PDE11A: variants seen among roughly 807,000 people sequenced by gnomAD.
The protein encoded by PDE11A is dual 3',5'-cyclic-AMP and -GMP phosphodiesterase 11A.
In PDE11A, 100 loss-of-function variants were observed where a neutral mutation model predicts 100.5. The ratio of observed to expected loss-of-function variants is 1.00; its 90% CI spans 0.85 to 1.18. The LOEUF (loss-of-function observed/expected upper bound fraction) is 1.18, where lower values mean the gene tolerates loss of function less well. PDE11A is among the 50% of genes most tolerant of loss of function. The probability of loss-of-function intolerance (pLI) is 0.00; values close to 1 mark genes in which losing one functional copy is unlikely to be tolerated. For missense variants in PDE11A, 1,141 were observed against 1,152.6 expected, an observed-to-expected ratio of 0.99 and a Z score of 0.15; for synonymous variants, 381 against 420.8, an observed-to-expected ratio of 0.91 and a Z score of 1.16.
At chr2:177,855,411 A>G (rs1260599649) in intron 5 of PDE11A, among the ~76,000 whole-genome samples, 1 of 152,118 alleles carries the variant, frequency 6.6e-6, no homozygotes, top group African/African-American at 2.4e-5. Context: ...GAAATTAACC[A>G]AAGACTTGCA....
At chr2:177,696,463 G>C (rs2081113597) in intron 15 of PDE11A, among the ~76,000 whole-genome samples, 1 of 152,070 alleles carries the variant, frequency 6.6e-6, no homozygotes, top group Non-Finnish European at 1.5e-5. Context: ...TAAACCTTCA[G>C]ATATCTCAGA....
intron 2 of PDE11A, among the ~76,000 whole-genome samples, chr2:177,962,625 T>C (rs1392751638): frequency 2.3e-4 from 35 of 152,058 alleles, no homozygotes; most frequent in Admixed American, 1.9e-3. Flanking sequence ...ACAAACCCAA[T>C]AGATCAAAAT....
intron 19 of PDE11A, among the ~76,000 whole-genome samples, chr2:177,639,831 C>G (rs765216637): frequency 2.0e-5 from 3 of 152,110 alleles, no homozygotes; most frequent in Non-Finnish European, 4.4e-5. Context: ...AAGTCATGCT[C>G]TTAGAAAATG....
rs542686362 is a variant in PDE11A, at chr2:177,681,968, G to A, written c.2346-1065C>T. Among the ~76,000 whole-genome samples the A allele has an allele frequency of 3.3e-5, 5 of 152,288 alleles. No individual in the cohort carries two copies. The South Asian group carries it at 1.0e-3, about 32-fold the overall frequency. On this transcript the variant is annotated intron_variant, in intron 15 of 19. Coordinates refer to ENST00000286063, the MANE Select transcript of PDE11A (RefSeq NM_016953.4). The stretch of plus-strand genomic sequence containing the variant: ...TTTTGGAGAAAATCTACATTCTGTA[G>A]AGAATCCCCTTCCCTTTCCAGGTCC...
chr2:177,708,417 G>A (rs1207272402), intron 13 of PDE11A, among the ~76,000 whole-genome samples: 1 of 152,270 alleles, frequency 6.6e-6, no homozygotes, highest in African/African-American at 2.4e-5. Context: ...TCAATTACAA[G>A]TGGGAGCTAA....
intron 9 of PDE11A, among the ~76,000 whole-genome samples, chr2:177,783,069 T>A (rs1003786059): frequency 6.6e-6 from 1 of 152,204 alleles, no homozygotes; most frequent in Non-Finnish European, 1.5e-5. Context: ...CTCATATTTC[T>A]GGCTTCTCTC....
intron 6 of PDE11A, among the ~76,000 whole-genome samples, chr2:177,829,610 A>T (rs1346534349): frequency 3.5e-5 from 5 of 141,960 alleles, no homozygotes; most frequent in Non-Finnish European, 6.1e-5. Context: ...CTCCTGGCTA[A>T]TTTTTTTTTT....
At chr2:177,954,647 C>T (rs2085539949) in intron 2 of PDE11A, among the ~76,000 whole-genome samples, 1 of 152,170 alleles carries the variant, frequency 6.6e-6, no homozygotes, top group African/African-American at 2.4e-5. Flanking sequence ...TTAGTTAATG[C>T]AAGACACACG....
At chr2:177,660,118 T>TC (rs2080462260) in intron 19 of PDE11A, among the ~76,000 whole-genome samples, 2 of 103,364 alleles carry the variant, frequency 1.9e-5, no homozygotes, top group Admixed American at 1.1e-4. Flanking sequence ...TCTCTTTCTT[T>TC]CTTTCTTTCT....
At chr2:177,759,173 GCACACACACA>G (rs10541503) in intron 10 of PDE11A, among the ~76,000 whole-genome samples, 1 of 147,424 alleles carries the variant, frequency 6.8e-6, no homozygotes, top group Non-Finnish European at 1.5e-5. Context: ...TGGAGCACGT[GCACACACACA>G]CACACACACA....
At chr2:177,755,556 T>C (rs2082080042) in intron 10 of PDE11A, among the ~76,000 whole-genome samples, 1 of 152,224 alleles carries the variant, frequency 6.6e-6, no homozygotes, top group African/African-American at 2.4e-5. Context: ...CTCCTTCTGC[T>C]GCGACCCCAT....
intron 13 of PDE11A, chr2:177,702,606 C>T (rs745773684): frequency 2.0e-5 from 3 of 152,162 alleles, no homozygotes; most frequent in Non-Finnish European, 4.4e-5. Flanking sequence ...AACATGAAGA[C>T]TTTTGGTCCC....
rs1277435743 is a variant in PDE11A, at chr2:177,997,349, TCTG to T, written c.1071+16950_1071+16952del. On this transcript the variant is annotated intron_variant, in intron 2 of 19. Coordinates refer to ENST00000286063, the MANE Select transcript of PDE11A (RefSeq NM_016953.4). Reference sequence around the variant, plus strand: ...AATCTGCCTGGCATCTCTTTTTTGTTCTGCTGAAGATTTCTGGGGTGGTGAACC... The same window carrying T: ...AATCTGCCTGGCATCTCTTTTTTGTTCTGAAGATTTCTGGGGTGGTGAACC... 4 of 869,122 alleles carry T rather than the reference TCTG, an allele frequency of 4.6e-6. No homozygotes were observed. The Admixed American group carries it at 6.9e-5, about 15-fold the overall frequency. The allele number at this position is 869,122 out of a possible 1,614,324, so 53.8% of individuals were successfully genotyped here.
intron 2 of PDE11A, among the ~76,000 whole-genome samples, chr2:177,951,775 C>T (rs1032574569): frequency 6.6e-6 from 1 of 152,088 alleles, no homozygotes; most frequent in South Asian, 2.1e-4. Flanking sequence ...ACAGTAAACC[C>T]CAGAGGAAGA....
At chr2:177,645,776 T>G (rs2080215220) in intron 19 of PDE11A, among the ~76,000 whole-genome samples, 2 of 152,178 alleles carry the variant, frequency 1.3e-5, no homozygotes, top group African/African-American at 4.8e-5. Context: ...AAGGGCATAG[T>G]CTACCCAAGT....
intron 6 of PDE11A, among the ~76,000 whole-genome samples, chr2:177,825,750 C>T (rs1159865251): frequency 6.6e-6 from 1 of 152,140 alleles, no homozygotes; most frequent in Non-Finnish European, 1.5e-5. Flanking sequence ...CTCAAAAATG[C>T]CCATCAGCCA....
chr2:177,913,057 T>C (rs1574273854), intron 2 of PDE11A, among the ~76,000 whole-genome samples: 2 of 152,224 alleles, frequency 1.3e-5, no homozygotes, highest in South Asian at 4.1e-4. Context: ...CTCATAATGT[T>C]ACTAAAAGTC....
chr2:177,753,882 G>A (rs947339236), intron 10 of PDE11A, among the ~76,000 whole-genome samples: 1 of 151,752 alleles, frequency 6.6e-6, no homozygotes, highest in Non-Finnish European at 1.5e-5. Context: ...ATGGATGAAA[G>A]CATTGCTTCA....
intron 5 of PDE11A, 80 bp from the exon 6 acceptor site, chr2:177,840,463 A>C (rs777775757): frequency 4.2e-6 from 5 of 1,201,664 alleles, no homozygotes; most frequent in Non-Finnish European, 6.2e-6. Context: ...AACTACACTA[A>C]TATCAGGATA....
Sources: allele counts gnomAD v4.1 joint callset (sites outside exome capture counted in the v4.1 genomes callset), GRCh38; gene constraint gnomAD v4.1.1; transcripts MANE v1.5; gene names NCBI Gene and HGNC (gene_info 2026-07-23, HGNC 2026-07-21).